Variants in SLC6A5 observed in about 807,000 individuals in gnomAD.
SLC6A5 encodes sodium- and chloride-dependent glycine transporter 2.
SLC6A5 carries 58 observed loss-of-function variants against 90.5 expected under a neutral mutation model. The observed-to-expected ratio is 0.64, with a 90% CI of 0.52 to 0.80. The LOEUF (loss-of-function observed/expected upper bound fraction) is 0.80, where lower values mean the gene tolerates loss of function less well. Among genes scored for constraint, SLC6A5 ranks in the 30% least tolerant of loss-of-function variants. SLC6A5 has a pLI of 0.00. For missense variants in SLC6A5, 1,015 were observed against 1,017.6 expected (o/e 1.00, Z 0.03); for synonymous variants, 427 against 401.4 (o/e 1.06, Z -0.76).
chr11:20,634,261 C>T (rs540071483), intron 10 of SLC6A5, among the ~76,000 whole-genome samples: 1 of 152,300 alleles, frequency 6.6e-6, no homozygotes, highest in East Asian at 1.9e-4. Context: ...CAGAACTTGG[C>T]CTTCATCAGA....
intron 10 of SLC6A5, 61 bp downstream of exon 10, chr11:20,630,876 C>T: frequency 6.3e-7 from 1 of 1,582,832 alleles, no homozygotes; most frequent in Non-Finnish European, 8.7e-7. Context: ...TCACAAGCTC[C>T]TAATTTAGAC....
chr11:20,639,307 C>T (rs1853269555), intron 13 of SLC6A5, among the ~76,000 whole-genome samples: 1 of 152,064 alleles, frequency 6.6e-6, no homozygotes, highest in African/African-American at 2.4e-5. Flanking sequence ...TGCTTGGAAG[C>T]CTGCTCAGAA....
rs535709900 is a variant in SLC6A5 at position 20,630,875 on chromosome 11, C to T, written c.1624+60C>T. 9.4e-6 allele frequency: 15 copies of T among 1,593,486 alleles called. No individual in the cohort carries two copies. In the East Asian group the frequency reaches 2.7e-4, roughly 29 times the overall value. On this transcript the variant is annotated intron_variant, in intron 10 of 15. Transcript: ENST00000525748. Reference sequence around the variant, plus strand: ...AGGTCCCAGGCTCATGTCACAAGCTCCTAATTTAGACTATGCTGGGAAGCT... The same window carrying T: ...AGGTCCCAGGCTCATGTCACAAGCTTCTAATTTAGACTATGCTGGGAAGCT...
chr11:20,615,759 G>C (rs1315697256), intron 6 of SLC6A5, among the ~76,000 whole-genome samples: 1 of 151,234 alleles, frequency 6.6e-6, no homozygotes, highest in South Asian at 2.1e-4. Context: ...TTCAGGGGTT[G>C]TAAATTCAAA....
At chr11:20,605,820 C>T (rs1007205464) in intron 3 of SLC6A5, among the ~76,000 whole-genome samples, 2 of 152,228 alleles carry the variant, frequency 1.3e-5, no homozygotes, top group Non-Finnish European at 2.9e-5. Context: ...GAGGGCTCGC[C>T]GCTCCTTTTC....
At position 20,655,986 on chromosome 11, in the gene SLC6A5, A is replaced by G. The variant is rs552941823; in HGVS notation, c.*1118A>G. The G allele has an allele frequency of 1.2e-4, 18 of 152,340 alleles. No homozygotes were observed. The South Asian group carries it at 3.1e-3, about 26-fold the overall frequency. The allele number at this position is 152,340 out of a possible 1,614,324, so 9.4% of individuals were successfully genotyped here. A position where few individuals can be genotyped will look rare whatever the true frequency, so the allele number is the denominator to read the frequency against. ...ACATTTTAGGACATGGTATTTATAG[A>G]ACTTTCTGATAAATACAGCTTAGGT... is the stretch of plus-strand genomic sequence containing the variant. On this transcript the variant is annotated 3_prime_UTR_variant, in exon 16 of 16. Transcript: ENST00000525748.
At position 20,607,667 on chromosome 11, in the gene SLC6A5, A is replaced by G. The variant is rs774536893; in HGVS notation, c.985+15A>G. 20 of 1,604,264 alleles carry G rather than the reference A, an allele frequency of 1.2e-5. No homozygotes were observed. The highest frequency in any genetic ancestry group is 1.7e-5 in the Non-Finnish European group (20 of 1,171,594). Reference sequence around the variant, plus strand: ...ACTTTTATTAGGTAAGTTTGGAAATACCTGCTTTAGGTGTGTGTATTCTAA... The same window carrying G: ...ACTTTTATTAGGTAAGTTTGGAAATGCCTGCTTTAGGTGTGTGTATTCTAA... On this transcript the variant is annotated intron_variant, in intron 5 of 15. Transcript: ENST00000525748.
At chr11:20,613,281 A>T (rs7104406) in intron 5 of SLC6A5, among the ~76,000 whole-genome samples, 1 of 152,174 alleles carries the variant, frequency 6.6e-6, no homozygotes, top group Non-Finnish European at 1.5e-5. Context: ...TACTTAAAAC[A>T]GTGCCATAAA....
chr11:20,640,901 T>G, intron 13 of SLC6A5, among the ~76,000 whole-genome samples: 1 of 152,272 alleles, frequency 6.6e-6, no homozygotes, highest in Admixed American at 6.5e-5. Flanking sequence ...AATAAGCCAG[T>G]GAATTGAAGA....
At chr11:20,600,409 A>AAGAAGAAGG in intron 1 of SLC6A5, among the ~76,000 whole-genome samples, 1 of 147,712 alleles carries the variant, frequency 6.8e-6, no homozygotes, top group East Asian at 2.0e-4. Flanking sequence ...GAAGAAGAAG[A>AAGAAGAAGG]AGACCTAAAC....
In SLC6A5 at chr11:20,654,841, G is replaced by C. The variant is rs370014190; in HGVS notation, c.2367G>C (p.Lys789Asn). ...TSSLGLKLPV[K>N]DLELGTQC is the part of the protein sequence containing the mutation. Reference sequence around the variant, plus strand: ...CCTTGGGACTCAAACTGCCAGTGAAGGATTTGGAACTGGGCACTCAGTGCT... The same window carrying C: ...CCTTGGGACTCAAACTGCCAGTGAACGATTTGGAACTGGGCACTCAGTGCT... The change falls in exon 16 of 16, where the codon AAG becomes AAC. Residue 789 changes from lysine (K) to asparagine (N), a missense_variant. Lys to Asn is a moderately conservative substitution (Grantham distance 94). Transcript: ENST00000525748. The C allele has an allele frequency of 6.2e-7, 1 of 1,614,066 alleles. No homozygotes were observed. The highest frequency in any genetic ancestry group is 2.2e-5 in the East Asian group (1 of 44,882).
chr11:20,601,416 G>A lies in SLC6A5; in HGVS notation c.291G>A (p.Leu97=), dbSNP rs1289785414. 1.2e-6 allele frequency: 2 copies of A among 1,605,580 alleles called. No individual in the cohort carries two copies. The highest frequency in any genetic ancestry group is 1.3e-5 in the African/African-American group (1 of 74,824). ...CGGCCTCTGCAGCTCTGCGGGACTT[G>A]AGAGAGGCGCAAGGCGCGCAGGCCT... is the stretch of plus-strand genomic sequence containing the variant. ...AQAASAALRD[L]REAQGAQASP... Residue 97 remains leucine (L), a synonymous_variant, in exon 2 of 16, where the codon TTG becomes TTA. Coordinates refer to ENST00000525748, the MANE Select transcript of SLC6A5 (RefSeq NM_004211.5).
At chr11:20,631,726 CTGTGGCCCTGG>C (rs1193470292) in intron 10 of SLC6A5, among the ~76,000 whole-genome samples, 1 of 152,120 alleles carries the variant, frequency 6.6e-6, no homozygotes, top group Non-Finnish European at 1.5e-5. Flanking sequence ...TGGGGCATGA[CTGTGGCCCTGG>C]ACAACCAAGG....
chr11:20,627,879 G>A (rs1853029429), intron 8 of SLC6A5, 101 bp from the exon 9 acceptor site: 4 of 846,118 alleles, frequency 4.7e-6, no homozygotes, highest in East Asian at 2.4e-5. Flanking sequence ...TGTCCCTGAT[G>A]TTTCCCCTGG....
chr11:20,613,778 G>A (rs946209873), intron 5 of SLC6A5, among the ~76,000 whole-genome samples: 7 of 148,856 alleles, frequency 4.7e-5, no homozygotes, highest in African/African-American at 1.7e-4. Flanking sequence ...TCCTGCCTCA[G>A]CCTCCCAAGT....
chr11:20,608,092 T>C (rs1852618334), intron 5 of SLC6A5, among the ~76,000 whole-genome samples: 1 of 152,242 alleles, frequency 6.6e-6, no homozygotes, highest in South Asian at 2.1e-4. Context: ...AGGTGACTTA[T>C]CTGCATGGTA....
At chr11:20,650,001 C>A (rs1190275092) in intron 14 of SLC6A5, among the ~76,000 whole-genome samples, 4 of 152,192 alleles carry the variant, frequency 2.6e-5, no homozygotes, top group Non-Finnish European at 5.9e-5. Flanking sequence ...TAATCACTTG[C>A]CCCAGCTGCC....
rs776650853 is a variant in SLC6A5, at chr11:20,637,240, G to T, written c.1806G>T (p.Lys602Asn). The T allele has an allele frequency of 8.7e-6, 14 of 1,613,466 alleles. No homozygotes were observed. Among genetic ancestry groups the T allele is most frequent in the African/African-American group, 1.3e-5 (1 of 74,772 alleles). Residue 602 changes from lysine (K) to asparagine (N), a missense_variant, in exon 12 of 16, where the codon AAG becomes AAT. Lys to Asn is a moderately conservative substitution (Grantham distance 94, BLOSUM62 0). This residue lies in a region of SLC6A5 where 442 missense variants were observed against 494.3 expected (regional missense o/e 0.89). Coordinates refer to ENST00000525748, the MANE Select transcript of SLC6A5 (RefSeq NM_004211.5). ...DEFPKYLRTH[K>N]PVFTLGCCIC... ...TTCCCAAGTACCTACGCACACACAAGCCAGTGTTTACTCTGGGCTGCTGCA... is the reference window on the plus strand; with the variant it reads ...TTCCCAAGTACCTACGCACACACAATCCAGTGTTTACTCTGGGCTGCTGCA...
chr11:20,612,614 C>T (rs541574415), intron 5 of SLC6A5, among the ~76,000 whole-genome samples: 62 of 152,352 alleles, frequency 4.1e-4, no homozygotes, highest in African/African-American at 1.4e-3. Flanking sequence ...AACTCCTGGG[C>T]TTAAGCAATC....
Sources: allele counts gnomAD v4.1 joint callset (sites outside exome capture counted in the v4.1 genomes callset), GRCh38; gene constraint gnomAD v4.1.1; regional missense constraint gnomAD v4.1.1; transcripts MANE v1.5; gene names NCBI Gene and HGNC (gene_info 2026-07-23, HGNC 2026-07-21).